Variants in IMMP2L observed in about 807,000 individuals in gnomAD.
IMMP2L encodes the protein inner mitochondrial membrane peptidase subunit 2, also known as mitochondrial inner membrane protease subunit 2.
IMMP2L carries 18 observed loss-of-function variants against 19.3 expected under a neutral mutation model. The ratio of observed to expected loss-of-function variants is 0.93; its 90% CI spans 0.64 to 1.38. The LOEUF is 1.38. Among genes scored for constraint, IMMP2L ranks in the 40% most tolerant of loss-of-function variants. IMMP2L has a pLI of 0.00. For missense variants in IMMP2L, 233 were observed against 218.2 expected (o/e 1.07, Z -0.43); for synonymous variants, 76 against 73.0 (o/e 1.04, Z -0.21).
intron 3 of IMMP2L, among the ~76,000 whole-genome samples, chr7:111,410,653 T>C (rs1319596266): frequency 6.6e-6 from 1 of 151,358 alleles, no homozygotes; most frequent in Non-Finnish European, 1.5e-5. Context: ...AAAACAGCTA[T>C]TAAAATAAGT....
intron 3 of IMMP2L, among the ~76,000 whole-genome samples, chr7:111,391,149 A>G (rs1832316799): frequency 6.6e-6 from 1 of 152,120 alleles, no homozygotes; most frequent in Non-Finnish European, 1.5e-5. Flanking sequence ...TAAACGAAAG[A>G]TGTTCAAAGG....
chr7:110,918,722 G>A (rs1468703613), intron 4 of IMMP2L, among the ~76,000 whole-genome samples: 2 of 152,012 alleles, frequency 1.3e-5, no homozygotes, highest in Non-Finnish European at 2.9e-5. Context: ...TCAAAGTGCT[G>A]AGATTAAAGG....
At chr7:111,114,688 C>A (rs1251838241) in intron 3 of IMMP2L, among the ~76,000 whole-genome samples, 1 of 145,588 alleles carries the variant, frequency 6.9e-6, no homozygotes, top group Non-Finnish European at 1.5e-5. Context: ...GTGAGTGAGC[C>A]GAGATCGCAC....
intron 4 of IMMP2L, among the ~76,000 whole-genome samples, chr7:110,952,590 A>C (rs1817944793): frequency 6.6e-6 from 1 of 152,132 alleles, no homozygotes; most frequent in African/African-American, 2.4e-5. Flanking sequence ...AAGAAGTGGG[A>C]AAGAAGTTTT....
chr7:111,173,581 C>G (rs1228692971), intron 3 of IMMP2L, among the ~76,000 whole-genome samples: 1 of 151,600 alleles, frequency 6.6e-6, no homozygotes, highest in East Asian at 1.9e-4. Context: ...TACACTCGTT[C>G]TTTTTCTCAA....
At chr7:111,041,346 G>A (rs1337696498) in intron 3 of IMMP2L, among the ~76,000 whole-genome samples, 2 of 151,888 alleles carry the variant, frequency 1.3e-5, no homozygotes, top group Non-Finnish European at 2.9e-5. Context: ...TAAATAAAAA[G>A]TCTAAGCATG....
intron 3 of IMMP2L, among the ~76,000 whole-genome samples, chr7:111,058,041 C>A (rs942294018): frequency 6.6e-6 from 1 of 152,100 alleles, no homozygotes; most frequent in African/African-American, 2.4e-5. Context: ...AATAGAAAGG[C>A]CTGAGCTAAC....
At chr7:110,696,458 G>A (rs1793892411) in intron 5 of IMMP2L, among the ~76,000 whole-genome samples, 1 of 114,316 alleles carries the variant, frequency 8.7e-6, no homozygotes, top group African/African-American at 3.2e-5. Context: ...ACAGAGTCTT[G>A]CTCTGTTGCC....
chr7:111,040,215 T>A (rs930376914), intron 3 of IMMP2L, among the ~76,000 whole-genome samples: 1 of 152,154 alleles, frequency 6.6e-6, no homozygotes, highest in African/African-American at 2.4e-5. Flanking sequence ...TTTCTGTGAT[T>A]AAAAAATTAA....
chr7:111,491,835 C>A (rs1843134631), intron 2 of IMMP2L, among the ~76,000 whole-genome samples: 1 of 152,064 alleles, frequency 6.6e-6, no homozygotes, highest in African/African-American at 2.4e-5. Flanking sequence ...TGGAGGGAGA[C>A]CATCTGGGCT....
intron 3 of IMMP2L, among the ~76,000 whole-genome samples, chr7:111,425,263 TGACTGAGAAG>T (rs1243542475): frequency 6.6e-6 from 1 of 151,634 alleles, no homozygotes; most frequent in Non-Finnish European, 1.5e-5. Context: ...GAGCAGAAGG[TGACTGAGAAG>T]GACCATGAGA....
chr7:111,514,695 G>A (rs956945665), intron 2 of IMMP2L, among the ~76,000 whole-genome samples: 1 of 152,006 alleles, frequency 6.6e-6, no homozygotes, highest in Non-Finnish European at 1.5e-5. Context: ...GAACCACCAT[G>A]TAATCCATCA....
chr7:110,945,197 C>A (rs113058031), intron 4 of IMMP2L, among the ~76,000 whole-genome samples: 46 of 152,042 alleles, frequency 3.0e-4, no homozygotes, highest in African/African-American at 1.0e-3. Flanking sequence ...TGAGGGGCCG[C>A]ATCTGCAGGG....
chr7:111,164,659 C>T (rs540296762), intron 3 of IMMP2L, among the ~76,000 whole-genome samples: 39 of 152,120 alleles, frequency 2.6e-4, no homozygotes, highest in African/African-American at 8.9e-4. Flanking sequence ...AATCTATGAA[C>T]TTTACTATCA....
At chr7:110,692,120 C>T (rs1457318507) in intron 5 of IMMP2L, among the ~76,000 whole-genome samples, 1 of 152,052 alleles carries the variant, frequency 6.6e-6, no homozygotes, top group Non-Finnish European at 1.5e-5. Context: ...CACACTCCCC[C>T]CACAACACAC....
At chr7:110,957,446 G>A (rs547336453) in intron 4 of IMMP2L, among the ~76,000 whole-genome samples, 6 of 151,964 alleles carry the variant, frequency 3.9e-5, no homozygotes, top group Non-Finnish European at 5.9e-5. Flanking sequence ...AAAACACTTT[G>A]ACCAGTGATT....
chr7:111,529,936 T>C (rs1236011593), intron 1 of IMMP2L, among the ~76,000 whole-genome samples: 1 of 152,180 alleles, frequency 6.6e-6, no homozygotes, highest in Non-Finnish European at 1.5e-5. Flanking sequence ...TCATAAAGGC[T>C]TCCTGATTTT....
At chr7:111,547,469 T>C (rs1272060653) in intron 1 of IMMP2L, among the ~76,000 whole-genome samples, 2 of 151,702 alleles carry the variant, frequency 1.3e-5, no homozygotes, top group Non-Finnish European at 2.9e-5. Context: ...ACAACTGTAC[T>C]CTTACTTCTC....
At chr7:110,838,943 T>G (rs1804779185) in intron 5 of IMMP2L, among the ~76,000 whole-genome samples, 1 of 152,096 alleles carries the variant, frequency 6.6e-6, no homozygotes, top group East Asian at 1.9e-4. Flanking sequence ...GTGATTTTGT[T>G]TTCCATGAAT....
Sources: gnomAD v4.1 joint callset for allele counts (sites outside exome capture counted in the v4.1 genomes callset) on GRCh38, gnomAD v4.1.1 for gene constraint, MANE v1.5 for transcripts, NCBI Gene and HGNC (gene_info 2026-07-23, HGNC 2026-07-21) for gene names.